GPATCH2: variants seen among roughly 807,000 people sequenced by gnomAD.
GPATCH2 encodes the protein G-patch domain containing 2, also known as G patch domain-containing protein 2.
Under a neutral mutation model 58.0 loss-of-function variants are expected in GPATCH2, and 51 were observed. The observed-to-expected ratio is 0.88, with a 90% CI of 0.70 to 1.11. GPATCH2 has a LOEUF of 1.11. Ranked by LOEUF, GPATCH2 falls within the 50% of genes most tolerant of loss-of-function variation. The pLI is 0.00. For synonymous variants in GPATCH2, 222 were observed against 218.5 expected (o/e 1.02, Z -0.14); for missense variants, 625 against 652.2 (o/e 0.96, Z 0.45).
intron 5 of GPATCH2, among the ~76,000 whole-genome samples, chr1:217,515,172 T>C (rs1034671792): frequency 8.6e-5 from 13 of 151,630 alleles, no homozygotes; most frequent in Non-Finnish European, 1.2e-4. Context: ...CTCGGCTCAC[T>C]GCAAGCTCCG....
chr1:217,546,522 T>C (rs962296114), intron 5 of GPATCH2, among the ~76,000 whole-genome samples: 1 of 152,176 alleles, frequency 6.6e-6, no homozygotes, highest in African/African-American at 2.4e-5. Context: ...AGGATTCCCT[T>C]CAATAAATGG....
intron 8 of GPATCH2, among the ~76,000 whole-genome samples, chr1:217,469,224 A>C (rs1184720455): frequency 6.6e-6 from 1 of 152,138 alleles, no homozygotes; most frequent in East Asian, 1.9e-4. Flanking sequence ...TAGTAATTTA[A>C]GCATATGTTC....
chr1:217,581,015 C>CAAA (rs761336891), intron 5 of GPATCH2, among the ~76,000 whole-genome samples: 5 of 26,244 alleles, frequency 1.9e-4, no homozygotes, highest in African/African-American at 3.8e-4. Flanking sequence ...GACTCCGTCT[C>CAAA]AAAAAAAAAA....
In GPATCH2 at chr1:217,474,206, T is replaced by C. The variant is rs544574008; in HGVS notation, c.1277+17474A>G. On this transcript the variant is annotated intron_variant, in intron 8 of 9. Transcript: ENST00000366935. ...AAGAAATCCACAGGAATCCTGCCCTTTTAGGAAAAGAGAGAAGTATAGGAT... is the reference window on the plus strand; with the variant it reads ...AAGAAATCCACAGGAATCCTGCCCTCTTAGGAAAAGAGAGAAGTATAGGAT... Among the ~76,000 whole-genome samples the C allele has an allele frequency of 6.6e-5, 10 of 152,264 alleles. No homozygotes were observed. The South Asian group carries it at 2.1e-3, about 32-fold the overall frequency.
intron 5 of GPATCH2, among the ~76,000 whole-genome samples, chr1:217,605,667 G>C (rs905092570): frequency 6.6e-6 from 1 of 152,248 alleles, no homozygotes; most frequent in African/African-American, 2.4e-5. Context: ...AACACCTGTT[G>C]TAAGACCATT....
At chr1:217,554,276 A>C (rs1034115304) in intron 5 of GPATCH2, among the ~76,000 whole-genome samples, 3 of 152,210 alleles carry the variant, frequency 2.0e-5, no homozygotes, top group Admixed American at 6.5e-5. Context: ...GGCCAAAGCT[A>C]TAATTGCCAC....
At chr1:217,472,431 G>A (rs7522926) in intron 8 of GPATCH2, among the ~76,000 whole-genome samples, 19,588 of 151,400 alleles carry the variant, frequency 0.13, 2,413 homozygotes, top group African/African-American at 0.33. Flanking sequence ...CCTCCCGAGT[G>A]GCTGGGACTA....
chr1:217,575,958 C>G (rs12027368), intron 5 of GPATCH2, among the ~76,000 whole-genome samples: 10 of 151,904 alleles, frequency 6.6e-5, no homozygotes, highest in Non-Finnish European at 1.5e-4. Flanking sequence ...TCCAAGACAC[C>G]GTGAGTGCAA....
chr1:217,533,102 T>G (rs1184145443), intron 5 of GPATCH2, among the ~76,000 whole-genome samples: 3 of 150,340 alleles, frequency 2.0e-5, no homozygotes, highest in Non-Finnish European at 4.4e-5. Context: ...GGAGATGGGG[T>G]TTTGCCATGT....
chr1:217,442,389 T>C (rs2102540315), intron 9 of GPATCH2, among the ~76,000 whole-genome samples: 1 of 152,142 alleles, frequency 6.6e-6, no homozygotes, highest in East Asian at 1.9e-4. Context: ...ATACATAATG[T>C]AGATGACAGG....
In GPATCH2 at chr1:217,620,612, G is replaced by A. The variant is rs1354975696; in HGVS notation, c.57-113C>T. On this transcript the variant is annotated intron_variant, in intron 1 of 9. Coordinates refer to ENST00000366935, the MANE Select transcript of GPATCH2 (RefSeq NM_018040.5). Reference sequence around the variant, plus strand: ...CGACAAAAATTAATGATTACAAAATGTTTCAAAGCTAATTTTCCTATCCAA... The same window carrying A: ...CGACAAAAATTAATGATTACAAAATATTTCAAAGCTAATTTTCCTATCCAA... 2.3e-5 allele frequency: 15 copies of A among 657,020 alleles called. No homozygotes were observed. The Admixed American group carries it at 3.5e-4, about 16-fold the overall frequency. 40.7% of individuals were successfully genotyped at this position (657,020 alleles called of 1,614,324 possible). A position where few individuals can be genotyped will look rare whatever the true frequency, so the allele number is the denominator to read the frequency against.
rs554876451 is a variant in GPATCH2 at position 217,464,184 on chromosome 1, T to G, written c.1278-14847A>C. Among the ~76,000 whole-genome samples, 66 of 152,276 alleles carry G rather than the reference T, an allele frequency of 4.3e-4. No individual in the cohort carries two copies. In the South Asian group the frequency reaches 7.2e-3, roughly 17 times the overall value. On this transcript the variant is annotated intron_variant, in intron 8 of 9. Transcript: ENST00000366935. ...GAGTACTCTGCGAATATGGTGGCAA[T>G]GACACTGTTGTTGAATGTATATAAT...
chr1:217,608,916 T>C, intron 5 of GPATCH2: 2 of 983,622 alleles, frequency 2.0e-6, no homozygotes, highest in Non-Finnish European at 2.4e-6. Context: ...TAAAAGAAGA[T>C]GTCACACATT....
At chr1:217,509,745 T>A (rs915203819) in intron 6 of GPATCH2, among the ~76,000 whole-genome samples, 6 of 152,198 alleles carry the variant, frequency 3.9e-5, no homozygotes, top group Non-Finnish European at 5.9e-5. Context: ...GTGTAACGCA[T>A]TGTGATGTAC....
rs1658506214 is a variant in GPATCH2 at position 217,430,975 on chromosome 1, T to C, written c.*170A>G. The C allele has an allele frequency of 6.6e-6, 4 of 608,754 alleles. No individual in the cohort carries two copies. Among genetic ancestry groups the C allele is most frequent in the South Asian group, 4.1e-5 (2 of 49,136 alleles). The allele number at this position is 608,754 out of a possible 1,614,324, so 37.7% of individuals were successfully genotyped here. A position where few individuals can be genotyped will look rare whatever the true frequency, so the allele number is the denominator to read the frequency against. ...GTTTTCATTTTAGCACCATGAATTG[T>C]GATGAAATCCCATTTCTCTCACTAT... On this transcript the variant is annotated 3_prime_UTR_variant, in exon 10 of 10. Transcript: ENST00000366935.
chr1:217,563,773 A>T (rs1365202547), intron 5 of GPATCH2, among the ~76,000 whole-genome samples: 1 of 152,226 alleles, frequency 6.6e-6, no homozygotes, highest in East Asian at 1.9e-4. Flanking sequence ...GGCCGGGCGC[A>T]GTGGCTCACG....
intron 5 of GPATCH2, among the ~76,000 whole-genome samples, chr1:217,600,612 G>A (rs776758561): frequency 6.6e-6 from 1 of 152,050 alleles, no homozygotes; most frequent in Non-Finnish European, 1.5e-5. Flanking sequence ...GAAAAACAGA[G>A]TAGGAGCTTC....
intron 8 of GPATCH2, among the ~76,000 whole-genome samples, chr1:217,454,807 A>G (rs949817707): frequency 1.4e-4 from 21 of 150,862 alleles, no homozygotes; most frequent in African/African-American, 5.1e-4. Context: ...TAATTTTCAT[A>G]TTTTTACTAG....
chr1:217,595,678 T>C (rs901606934), intron 5 of GPATCH2, among the ~76,000 whole-genome samples: 3 of 152,050 alleles, frequency 2.0e-5, no homozygotes, highest in Non-Finnish European at 4.4e-5. Flanking sequence ...TTTTGTATTT[T>C]TAGTAGAGAA....
Sources: gnomAD v4.1 joint callset for allele counts (sites outside exome capture counted in the v4.1 genomes callset) on GRCh38, gnomAD v4.1.1 for gene constraint, MANE v1.5 for transcripts, NCBI Gene and HGNC (gene_info 2026-07-23, HGNC 2026-07-21) for gene names.